Variants in TNFSF11 observed in about 807,000 individuals in gnomAD.
The protein encoded by TNFSF11 is TNF superfamily member 11.
A neutral mutation model predicts 32.2 loss-of-function variants in TNFSF11; 12 were observed. The observed-to-expected ratio is 0.37, with a 90% CI of 0.24 to 0.60. The LOEUF (loss-of-function observed/expected upper bound fraction) is 0.60. Among genes scored for constraint, TNFSF11 ranks in the 20% least tolerant of loss-of-function variants. The pLI is 0.66. For missense variants in TNFSF11, 345 were observed against 398.0 expected, an observed-to-expected ratio of 0.87 and a Z score of 1.13; for synonymous variants, 172 against 152.1, an observed-to-expected ratio of 1.13 and a Z score of -0.96.
At chr13:42,594,684 T>C (rs890909077) in intron 2 of TNFSF11, among the ~76,000 whole-genome samples, 11 of 152,196 alleles carry the variant, frequency 7.2e-5, no homozygotes, top group Non-Finnish European at 1.5e-4. Flanking sequence ...CTGAGACATC[T>C]CCCTCCTCCT....
At chr13:42,578,524 C>T (rs1873431574) in intron 1 of TNFSF11, among the ~76,000 whole-genome samples, 1 of 152,166 alleles carries the variant, frequency 6.6e-6, no homozygotes, top group African/African-American at 2.4e-5. Flanking sequence ...CTTGAGTAAA[C>T]AAAATAAATG....
Position 42,584,377 on chromosome 13 carries a change from A to G in TNFSF11, c.387+3084A>G, listed in dbSNP as rs1372039560. On this transcript the variant is annotated intron_variant, in intron 2 of 4. Coordinates refer to ENST00000398795, the MANE Select transcript of TNFSF11 (RefSeq NM_003701.4). The stretch of plus-strand genomic sequence containing the variant: ...ATAGTAATTTCTCTTGTCCTAAGTA[A>G]AAATAAATCCCAGATTGAGAGAGTA... Among the ~76,000 whole-genome samples the G allele has an allele frequency of 2.0e-5, 3 of 152,226 alleles. No individual in the cohort carries two copies. The East Asian group carries it at 5.8e-4, about 29-fold the overall frequency.
intron 1 of TNFSF11, among the ~76,000 whole-genome samples, chr13:42,564,398 T>C (rs1472928904): frequency 2.6e-5 from 4 of 152,134 alleles, no homozygotes; most frequent in Admixed American, 6.5e-5. Flanking sequence ...AGAAACCTCG[T>C]CTCTACTAAA....
Position 42,606,855 on chromosome 13 carries a change from C to T in TNFSF11, c.891C>T (p.Ser297=). Residue 297 remains serine (S), a synonymous_variant, in exon 5 of 5, where the codon TCC becomes TCT. Transcript: ENST00000398795. ...EEISIEVSNP[S]LLDPDQDATY... is the part of the protein sequence containing the mutation. ...TCAGCATCGAGGTCTCCAACCCCTC[C>T]TTACTGGATCCGGATCAGGATGCAA... The T allele has an allele frequency of 6.2e-7, 1 of 1,614,140 alleles. No homozygotes were observed. Among genetic ancestry groups the T allele is most frequent in the Non-Finnish European group, 8.5e-7 (1 of 1,180,022 alleles).
In TNFSF11 at chr13:42,574,177, C is replaced by G. The variant is rs9533157; in HGVS notation, c.-127C>G. 1 allele frequency: 1,344,542 copies of G among 1,345,028 alleles called. 672,029 individuals are homozygous for G. The highest frequency in any genetic ancestry group is 1 in the East Asian group (39,196 of 39,196). The allele number at this position is 1,345,028 out of a possible 1,614,324, so 83.3% of individuals were successfully genotyped here. On this transcript the variant is annotated 5_prime_UTR_variant, in exon 1 of 5. Coordinates refer to ENST00000398795, the MANE Select transcript of TNFSF11 (RefSeq NM_003701.4). ...GCCCGCTCGCCCGCGCGCCCCAGGA[C>G]CCAAAGCCGGGCTCCAAGTCGGCGC...
intron 4 of TNFSF11, among the ~76,000 whole-genome samples, chr13:42,602,908 C>T (rs932906815): frequency 6.6e-6 from 1 of 152,212 alleles, no homozygotes; most frequent in Non-Finnish European, 1.5e-5. Flanking sequence ...ACTCTCTCTG[C>T]AGGCACCTAG....
chr13:42,598,822 A>T (rs533625835), intron 2 of TNFSF11, among the ~76,000 whole-genome samples: 1 of 152,334 alleles, frequency 6.6e-6, no homozygotes, highest in Admixed American at 6.5e-5. Flanking sequence ...AGAAAGAAAA[A>T]GATGCACTGT....
At chr13:42,569,026 G>A (rs989820828) in intron 2 of TNFSF11, among the ~76,000 whole-genome samples, 1 of 152,102 alleles carries the variant, frequency 6.6e-6, no homozygotes, top group Non-Finnish European at 1.5e-5. Flanking sequence ...AGAAGGGATG[G>A]TAAGGAACCC....
chr13:42,606,453 A>G (rs1431004751), intron 4 of TNFSF11, 44 bp from the exon 5 acceptor site: 1 of 1,609,718 alleles, frequency 6.2e-7, no homozygotes, highest in Non-Finnish European at 8.5e-7. Flanking sequence ...CGTCCTTCTC[A>G]TTTAAGGACT....
intron 4 of TNFSF11, among the ~76,000 whole-genome samples, chr13:42,603,162 A>G (rs1869268231): frequency 6.6e-6 from 1 of 152,224 alleles, no homozygotes; most frequent in Non-Finnish European, 1.5e-5. Context: ...ATACTTACTT[A>G]CACAAGTAAA....
rs140799270 is a variant in TNFSF11 at position 42,582,961 on chromosome 13, A to T, written c.387+1668A>T. Among the ~76,000 whole-genome samples the T allele has an allele frequency of 3.9e-5, 6 of 152,262 alleles. No individual in the cohort carries two copies. In the East Asian group the frequency reaches 1.2e-3, roughly 29 times the overall value. On this transcript the variant is annotated intron_variant, in intron 2 of 4. Transcript: ENST00000398795. ...CTGGTTGGGCAAAAGATTGTGCCCT[A>T]ATGTTCTGTTTAGATTGACTCATGT...
chr13:42,588,899 T>C (rs1874029187), intron 2 of TNFSF11, among the ~76,000 whole-genome samples: 1 of 152,184 alleles, frequency 6.6e-6, no homozygotes, highest in Non-Finnish European at 1.5e-5. Context: ...TGTCTGTTTC[T>C]GAGATGACCA....
intron 2 of TNFSF11, among the ~76,000 whole-genome samples, chr13:42,585,184 C>T (rs528194608): frequency 4.6e-5 from 7 of 152,306 alleles, no homozygotes; most frequent in Admixed American, 4.6e-4. Context: ...TCAGATTTCT[C>T]ATTTCTCTTG....
At chr13:42,573,852 T>C (rs776579794), upstream of TNFSF11, among the ~76,000 whole-genome samples, 66 of 152,142 alleles carry the variant, frequency 4.3e-4, no homozygotes, top group Non-Finnish European at 8.1e-4. Flanking sequence ...TGAGGTGCAA[T>C]CCTTATCCTT....
rs1566391675 is a variant in TNFSF11, at chr13:42,606,824, A to T, written c.860A>T (p.Glu287Val). The stretch of plus-strand genomic sequence containing the variant: ...GGATTTTTTAAGTTACGGTCTGGAG[A>T]GGAAATCAGCATCGAGGTCTCCAAC... The part of the protein sequence containing the change: ...VGGFFKLRSG[E>V]EISIEVSNPS... Residue 287 changes from glutamate (E) to valine (V), a missense_variant, in exon 5 of 5, where the codon GAG (glutamate) becomes GTG (valine). Glu to Val is a moderately radical substitution (Grantham distance 121, BLOSUM62 -2). Around this residue, in one of 2 missense-constraint regions of TNFSF11, gnomAD observed 148 missense variants for 216.0 expected, o/e 0.69. Coordinates refer to ENST00000398795, the MANE Select transcript of TNFSF11 (RefSeq NM_003701.4). 6.2e-7 allele frequency: 1 copy of T among 1,613,726 alleles called. No individual in the cohort carries two copies. Among genetic ancestry groups the T allele is most frequent in the Non-Finnish European group, 8.5e-7 (1 of 1,179,822 alleles).
chr13:42,564,473 A>G (rs1165950397), intron 1 of TNFSF11, among the ~76,000 whole-genome samples: 4 of 152,126 alleles, frequency 2.6e-5, no homozygotes, highest in Non-Finnish European at 5.9e-5. Context: ...AGGCTGAGGC[A>G]GGAGAATTGC....
At chr13:42,606,417 TC>T in intron 4 of TNFSF11, 79 bp from the exon 5 acceptor site, 1 of 1,552,238 alleles carries the variant, frequency 6.4e-7, no homozygotes. Flanking sequence ...CTATTTTTTC[TC>T]CCTAACCTCA....
intron 2 of TNFSF11, among the ~76,000 whole-genome samples, chr13:42,590,663 T>A (rs1437236206): frequency 6.6e-6 from 1 of 152,220 alleles, no homozygotes; most frequent in African/African-American, 2.4e-5. Flanking sequence ...ACACTGCAGT[T>A]ACTCTGCCAA....
intron 2 of TNFSF11, among the ~76,000 whole-genome samples, chr13:42,595,584 G>C (rs764692464): frequency 6.6e-6 from 1 of 152,124 alleles, no homozygotes; most frequent in Non-Finnish European, 1.5e-5. Context: ...TTCTGCTCCA[G>C]GCTGTTCGCT....
Sources: gnomAD v4.1 joint callset for allele counts (sites outside exome capture counted in the v4.1 genomes callset) on GRCh38, gnomAD v4.1.1 for gene constraint, gnomAD v4.1.1 regional missense constraint, MANE v1.5 for transcripts, NCBI Gene and HGNC (gene_info 2026-07-23, HGNC 2026-07-21) for gene names.